ZC2HC1A: variants seen among roughly 807,000 people sequenced by gnomAD.
The protein encoded by ZC2HC1A is zinc finger C2HC domain-containing protein 1A.
Under a neutral mutation model 40.7 loss-of-function variants are expected in ZC2HC1A, and 28 were observed. That is an observed-to-expected ratio of 0.69 (90% CI 0.51 to 0.94). The LOEUF (loss-of-function observed/expected upper bound fraction) is 0.94. Among genes scored for constraint, ZC2HC1A ranks in the 40% least tolerant of loss-of-function variants. The pLI is 0.00. For synonymous variants in ZC2HC1A, 129 were observed against 129.2 expected, an observed-to-expected ratio of 1.00 and a Z score of 0.01; for missense variants, 389 against 386.3, an observed-to-expected ratio of 1.01 and a Z score of -0.06.
chr8:78,701,325 T>G (rs1017375671), intron 7 of ZC2HC1A, among the ~76,000 whole-genome samples: 6 of 152,198 alleles, frequency 3.9e-5, no homozygotes, highest in Admixed American at 2.6e-4. Context: ...ATGCTAGTGA[T>G]TTTTGCACAT....
At chr8:78,693,516 C>T (rs12056860) in intron 5 of ZC2HC1A, among the ~76,000 whole-genome samples, 104,130 of 151,870 alleles carry the variant, frequency 0.69, 36,542 homozygotes, top group East Asian at 0.91. Context: ...GTCTTTTGGC[C>T]GCATAAATGT....
At chr8:78,697,971 G>T (rs1810484552) in intron 6 of ZC2HC1A, among the ~76,000 whole-genome samples, 1 of 152,016 alleles carries the variant, frequency 6.6e-6, no homozygotes, top group Admixed American at 6.6e-5. Context: ...AGCCACCGTG[G>T]TGCCGAGCCA....
At chr8:78,713,685 G>C (rs1376760102) in intron 7 of ZC2HC1A, among the ~76,000 whole-genome samples, 1 of 152,124 alleles carries the variant, frequency 6.6e-6, no homozygotes, top group South Asian at 2.1e-4. Context: ...TTGAAGTTTA[G>C]AAGTAATTTA....
Position 78,678,585 on chromosome 8 carries a change from A to T in ZC2HC1A, c.116A>T (p.Gln39Leu). The change falls in exon 3 of 9, where the codon CAG (glutamine) becomes CTG (leucine). Residue 39 changes from glutamine (Q) to leucine (L), a missense_variant. Gln to Leu is a moderately radical substitution (Grantham distance 113). Transcript: ENST00000263849. ...CAGAAAAAACATGGACCCATTTGCC[A>T]GAAGACTGCAACTAAAAAACGGAAG... ...VALKKHGPIC[Q>L]KTATKKRKTF... 1 of 1,611,454 alleles carries T rather than the reference A, an allele frequency of 6.2e-7. No individual in the cohort carries two copies. The highest frequency in any genetic ancestry group is 8.5e-7 in the Non-Finnish European group (1 of 1,179,016).
intron 3 of ZC2HC1A, among the ~76,000 whole-genome samples, chr8:78,680,394 G>A (rs1428609957): frequency 1.3e-5 from 2 of 150,978 alleles, no homozygotes; most frequent in African/African-American, 2.4e-5. Context: ...AGCAGTAATA[G>A]TGGCAGTATT....
At chr8:78,712,041 G>A in intron 7 of ZC2HC1A, 1 of 1,289,670 alleles carries the variant, frequency 7.8e-7, no homozygotes, top group South Asian at 1.2e-5. Flanking sequence ...TTGTGCAAAG[G>A]TTGTATGACA....
At chr8:78,691,721 A>G (rs1312761873) in intron 5 of ZC2HC1A, among the ~76,000 whole-genome samples, 1 of 151,914 alleles carries the variant, frequency 6.6e-6, no homozygotes, top group Non-Finnish European at 1.5e-5. Context: ...TGCATTTTTG[A>G]AAAGTGATTG....
At chr8:78,666,391 C>T (rs1585969561) in intron 1 of ZC2HC1A, among the ~76,000 whole-genome samples, 2 of 152,362 alleles carry the variant, frequency 1.3e-5, no homozygotes, top group East Asian at 3.9e-4. Flanking sequence ...CTGGGCTTTC[C>T]CGCCCGGAGC....
intron 5 of ZC2HC1A, among the ~76,000 whole-genome samples, chr8:78,690,330 C>T (rs148803177): frequency 1.3e-5 from 2 of 152,104 alleles, no homozygotes; most frequent in African/African-American, 2.4e-5. Context: ...GAGGCCAAGG[C>T]GGGCAGATCA....
chr8:78,696,916 T>A (rs937329370), intron 5 of ZC2HC1A, among the ~76,000 whole-genome samples: 2 of 152,200 alleles, frequency 1.3e-5, no homozygotes, highest in African/African-American at 4.8e-5. Context: ...CTACTAATGT[T>A]TGTTTGGTGT....
chr8:78,698,676 A>C (rs1295325223), intron 7 of ZC2HC1A, among the ~76,000 whole-genome samples, 163 bp downstream of exon 7: 2 of 152,212 alleles, frequency 1.3e-5, no homozygotes, highest in African/African-American at 4.8e-5. Context: ...TGAGTATCTA[A>C]ATTTGTATAA....
chr8:78,671,148 G>A (rs980802555), intron 1 of ZC2HC1A, among the ~76,000 whole-genome samples: 2 of 152,028 alleles, frequency 1.3e-5, no homozygotes, highest in Admixed American at 1.3e-4. Context: ...TTAAATGTAT[G>A]CATTTTAAAA....
chr8:78,683,109 C>T (rs1809843314), intron 3 of ZC2HC1A, among the ~76,000 whole-genome samples: 1 of 152,216 alleles, frequency 6.6e-6, no homozygotes. Context: ...CTTTCTTGGG[C>T]TGGCATTGAG....
At chr8:78,708,676 T>C (rs1810859190) in intron 7 of ZC2HC1A, among the ~76,000 whole-genome samples, 2 of 151,408 alleles carry the variant, frequency 1.3e-5, no homozygotes, top group African/African-American at 4.9e-5. Context: ...GATTATCTTT[T>C]TTTTTTCTTT....
rs138000597 is a variant in ZC2HC1A at position 78,697,419 on chromosome 8, G to A, written c.517G>A (p.Ala173Thr). The A allele has an allele frequency of 3.5e-5, 56 of 1,595,540 alleles. No individual in the cohort carries two copies. Among genetic ancestry groups the A allele is most frequent in the African/African-American group, 1.4e-4 (10 of 73,518 alleles). ...TSRTQVYKPP[A>T]LKKSNSPGTA... ...TCCATTATTTTAGTATAAGCCACCC[G>A]CACTTAAAAAGTCAAATTCTCCTGG... The change falls in exon 6 of 9, where the codon GCA becomes ACA. Residue 173 changes from alanine (A) to threonine (T), a missense_variant. Physicochemically the swap from Ala to Thr is moderately conservative, Grantham distance 58 (BLOSUM62 0). Coordinates refer to ENST00000263849, the MANE Select transcript of ZC2HC1A (RefSeq NM_016010.3).
chr8:78,681,897 CTTTCT>C (rs1488701364), intron 3 of ZC2HC1A, among the ~76,000 whole-genome samples: 2 of 120,316 alleles, frequency 1.7e-5, no homozygotes, highest in African/African-American at 5.8e-5. Context: ...TTTCCTTTTT[CTTTCT>C]TTTTTTTTTT....
intron 2 of ZC2HC1A, chr8:78,676,110 CA>C: frequency 3.5e-6 from 1 of 286,998 alleles, no homozygotes; most frequent in Non-Finnish European, 6.3e-6. Context: ...AGACTCTTAC[CA>C]AAAACAAACA....
At chr8:78,673,055 T>G (rs1809478642) in intron 1 of ZC2HC1A, among the ~76,000 whole-genome samples, 2 of 152,098 alleles carry the variant, frequency 1.3e-5, no homozygotes, top group Admixed American at 1.3e-4. Flanking sequence ...CTTAATGCTC[T>G]CCCTCCTTTT....
At chr8:78,701,460 C>T (rs1160557730) in intron 7 of ZC2HC1A, among the ~76,000 whole-genome samples, 1 of 152,214 alleles carries the variant, frequency 6.6e-6, no homozygotes, top group Non-Finnish European at 1.5e-5. Context: ...TTGACTTCCT[C>T]TCTTCCTATT....
Sources: gnomAD v4.1 joint callset for allele counts (sites outside exome capture counted in the v4.1 genomes callset) on GRCh38, gnomAD v4.1.1 for gene constraint, MANE v1.5 for transcripts, NCBI Gene and HGNC (gene_info 2026-07-23, HGNC 2026-07-21) for gene names.